USP15: variants seen among roughly 807,000 people sequenced by gnomAD.
The protein encoded by USP15 is ubiquitin specific peptidase 15.
Under a neutral mutation model 127.1 loss-of-function variants are expected in USP15, and 18 were observed. That is an observed-to-expected ratio of 0.14 (90% CI 0.10 to 0.21). The LOEUF (loss-of-function observed/expected upper bound fraction) is 0.21, where lower values mean the gene tolerates loss of function less well. USP15 is among the 10% of genes least tolerant of loss of function. USP15 has a pLI of 1.00. For missense variants in USP15, 805 were observed against 1,159.9 expected, an observed-to-expected ratio of 0.69 and a Z score of 4.44; for synonymous variants, 364 against 393.7, an observed-to-expected ratio of 0.92 and a Z score of 0.89.
intron 1 of USP15, among the ~76,000 whole-genome samples, chr12:62,289,897 T>A (rs2063908459): frequency 6.6e-6 from 1 of 152,164 alleles, no homozygotes; most frequent in Non-Finnish European, 1.5e-5. Context: ...GTTGCTGAAT[T>A]TCCATGTATT....
intron 19 of USP15, among the ~76,000 whole-genome samples, chr12:62,395,373 A>G (rs2067454286): frequency 6.6e-6 from 1 of 151,752 alleles, no homozygotes; most frequent in African/African-American, 2.4e-5. Context: ...TTATTTTTTT[A>G]TTTTTGTGGG....
intron 7 of USP15, among the ~76,000 whole-genome samples, chr12:62,350,090 T>C (rs2065923431): frequency 1.3e-5 from 2 of 148,904 alleles, no homozygotes; most frequent in African/African-American, 5.2e-5. Context: ...CACTAACATA[T>C]TAGTATTAGA....
intron 19 of USP15, 125 bp from the exon 20 acceptor site, chr12:62,396,170 A>T (rs1211934469): frequency 7.0e-6 from 3 of 425,630 alleles, no homozygotes; most frequent in Non-Finnish European, 1.2e-5. Flanking sequence ...ATATATATAG[A>T]TAGATATATA....
intron 8 of USP15, among the ~76,000 whole-genome samples, chr12:62,378,258 A>T (rs181717996): frequency 4.1e-4 from 62 of 152,282 alleles, no homozygotes; most frequent in Admixed American, 1.3e-4. Context: ...TTTCAAGATG[A>T]GGGTGGAAAG....
intron 8 of USP15, among the ~76,000 whole-genome samples, chr12:62,370,182 C>T (rs2066617406): frequency 6.6e-6 from 1 of 152,182 alleles, no homozygotes. Flanking sequence ...CTGCCCGTCT[C>T]GGCCTCCCAA....
intron 8 of USP15, among the ~76,000 whole-genome samples, chr12:62,378,487 G>T (rs2066899308): frequency 6.6e-6 from 1 of 152,072 alleles, no homozygotes; most frequent in Admixed American, 6.6e-5. Flanking sequence ...TTAAATATTG[G>T]TTATGATATC....
intron 1 of USP15, among the ~76,000 whole-genome samples, chr12:62,282,352 T>C (rs1406449048): frequency 1.3e-5 from 2 of 151,972 alleles, no homozygotes; most frequent in African/African-American, 4.8e-5. Flanking sequence ...AATAAATAAG[T>C]TTAACTTATA....
chr12:62,270,130 T>C lies in USP15; in HGVS notation c.89+9627T>C, dbSNP rs562648995. On this transcript the variant is annotated intron_variant, in intron 1 of 21. Transcript: ENST00000280377. ...TTTGCATTTTCTTGATAGGTAATGA[T>C]GTTGAGTATCTTTTCACCTGCTTAT... Among the ~76,000 whole-genome samples the C allele has an allele frequency of 6.6e-5, 10 of 152,206 alleles. 1 individual carries two copies. In the South Asian group the frequency reaches 1.2e-3, roughly 19 times the overall value.
intron 6 of USP15, among the ~76,000 whole-genome samples, chr12:62,329,625 A>C (rs1027143800): frequency 1.3e-5 from 2 of 152,180 alleles, no homozygotes; most frequent in African/African-American, 2.4e-5. Flanking sequence ...CTTTTAAAAA[A>C]ATAGGTAAAA....
At chr12:62,328,154 G>A (rs953446524) in intron 6 of USP15, 2 of 293,072 alleles carry the variant, frequency 6.8e-6, no homozygotes, top group African/African-American at 2.2e-5. Context: ...ATATGATATA[G>A]TCATTTGTAT....
rs973504026 is a variant in USP15 at position 62,393,255 on chromosome 12, T to C, written c.2570+53T>C. 7 of 1,570,788 alleles carry C rather than the reference T, an allele frequency of 4.5e-6. No individual in the cohort carries two copies. In the African/African-American group the frequency reaches 6.8e-5, roughly 15 times the overall value. On this transcript the variant is annotated intron_variant, in intron 19 of 21. Coordinates refer to ENST00000280377, the MANE Select transcript of USP15 (RefSeq NM_001252078.2). ...TTGGGCAACTCTTCTTTCAAACTTA[T>C]TTGATGCTTTTTGTTATTATCCTTT... is the stretch of plus-strand genomic sequence containing the variant.
chr12:62,285,314 G>A (rs1000204009), intron 1 of USP15, among the ~76,000 whole-genome samples: 1 of 152,090 alleles, frequency 6.6e-6, no homozygotes, highest in African/African-American at 2.4e-5. Context: ...ACATGATTTA[G>A]CTCCCACTTA....
intron 9 of USP15, among the ~76,000 whole-genome samples, chr12:62,383,154 T>A (rs1008038763): frequency 1.3e-5 from 2 of 151,886 alleles, no homozygotes; most frequent in African/African-American, 2.4e-5. Context: ...TTTTTATTAT[T>A]CACAGGAGTT....
rs760959977 is a variant in USP15 at position 62,389,945 on chromosome 12, A to G, written c.1801A>G (p.Asn601Asp). The G allele has an allele frequency of 2.5e-6, 4 of 1,612,666 alleles. No homozygotes were observed. The highest frequency in any genetic ancestry group is 1.3e-5 in the African/African-American group (1 of 74,890). Residue 601 changes from asparagine (N) to aspartate (D), a missense_variant, in exon 14 of 22, where the codon AAT (asparagine) becomes GAT (aspartate). Around this residue, in one of 11 missense-constraint regions of USP15, gnomAD observed 225 missense variants for 239.5 expected, o/e 0.94. Coordinates refer to ENST00000280377, the MANE Select transcript of USP15 (RefSeq NM_001252078.2). ...QPFLMAVPRN[N>D]TEDKLYNLLL... Reference sequence around the variant, plus strand: ...CTTTCTTATGGCTGTACCACGAAACAATACTGAAGACAAACTTTATAATCT... The same window carrying G: ...CTTTCTTATGGCTGTACCACGAAACGATACTGAAGACAAACTTTATAATCT...
chr12:62,344,040 G>T (rs2065734503), intron 6 of USP15, among the ~76,000 whole-genome samples: 1 of 151,888 alleles, frequency 6.6e-6, no homozygotes. Context: ...ATATCATTCT[G>T]CCCCTGGCCC....
At chr12:62,383,766 A>G in intron 9 of USP15, 74 bp from the exon 10 acceptor site, 1 of 1,425,436 alleles carries the variant, frequency 7.0e-7, no homozygotes, top group Non-Finnish European at 9.4e-7. Flanking sequence ...ATGAATAATG[A>G]GAATCTATTG....
chr12:62,268,760 C>A (rs1176845253), intron 1 of USP15, among the ~76,000 whole-genome samples: 3 of 152,070 alleles, frequency 2.0e-5, no homozygotes. Context: ...TATTGTGATG[C>A]TATTCACATA....
intron 6 of USP15, among the ~76,000 whole-genome samples, chr12:62,345,723 C>T (rs2137404292): frequency 6.6e-6 from 1 of 152,256 alleles, no homozygotes; most frequent in South Asian, 2.1e-4. Context: ...GTTCATTGGA[C>T]TTAACAGTTC....
Position 62,393,186 on chromosome 12 carries a change from G to T in USP15, c.2554G>T (p.Val852Phe). Residue 852 changes from valine (V) to phenylalanine (F), a missense_variant, in exon 19 of 22, where the codon GTT (valine) becomes TTT (phenylalanine). Physicochemically the swap from Val to Phe is conservative, Grantham distance 50 (BLOSUM62 -1). This residue lies in a region of USP15 where 116 missense variants were observed against 157.2 expected (regional missense o/e 0.74). Coordinates refer to ENST00000280377, the MANE Select transcript of USP15 (RefSeq NM_001252078.2). ...CATGAGAGACAAGTTGGATACCTTAGTTGATTTTCCTATCAAGTAAGCTTT... is the reference window on the plus strand; with the variant it reads ...CATGAGAGACAAGTTGGATACCTTATTTGATTTTCCTATCAAGTAAGCTTT... ...RYMRDKLDTL[V>F]DFPINDLDMS... is the part of the protein sequence containing the mutation. 1.2e-6 allele frequency: 2 copies of T among 1,612,022 alleles called. No individual in the cohort carries two copies. The highest frequency in any genetic ancestry group is 1.3e-5 in the African/African-American group (1 of 74,942).
Sources: allele counts gnomAD v4.1 joint callset (sites outside exome capture counted in the v4.1 genomes callset), GRCh38; gene constraint gnomAD v4.1.1; regional missense constraint gnomAD v4.1.1; transcripts MANE v1.5; gene names NCBI Gene and HGNC (gene_info 2026-07-23, HGNC 2026-07-21).